Variants in RELN observed in about 807,000 individuals in gnomAD.
RELN encodes reelin.
RELN carries 108 observed loss-of-function variants against 427.6 expected under a neutral mutation model. The ratio of observed to expected loss-of-function variants is 0.25; its 90% CI spans 0.22 to 0.30. RELN has a LOEUF of 0.30. Ranked by LOEUF, RELN falls within the 10% of genes least tolerant of loss-of-function variation. The pLI, the probability that RELN is intolerant of heterozygous loss-of-function variation, is 1.00. For missense variants in RELN, 3,715 were observed against 4,302.8 expected (o/e 0.86, Z 3.82); for synonymous variants, 1,524 against 1,513.4 (o/e 1.01, Z -0.16).
chr7:103,762,547 G>A (rs1791328280), intron 4 of RELN, among the ~76,000 whole-genome samples: 1 of 152,214 alleles, frequency 6.6e-6, no homozygotes, highest in Admixed American at 6.5e-5. Flanking sequence ...ATTCCTGTGA[G>A]TAGAGAGACT....
intron 2 of RELN, among the ~76,000 whole-genome samples, chr7:103,882,833 T>G (rs1794638952): frequency 6.6e-6 from 1 of 152,174 alleles, no homozygotes; most frequent in African/African-American, 2.4e-5. Flanking sequence ...AGCAGACGGA[T>G]TCACAGCCGA....
intron 2 of RELN, among the ~76,000 whole-genome samples, chr7:103,872,434 G>C (rs7805065): frequency 8.0e-6 from 1 of 124,394 alleles, no homozygotes; most frequent in Non-Finnish European, 1.8e-5. Flanking sequence ...TGGTGTATAT[G>C]TGCCACATTT....
At chr7:103,839,593 A>G (rs569187635) in intron 2 of RELN, among the ~76,000 whole-genome samples, 1 of 152,280 alleles carries the variant, frequency 6.6e-6, no homozygotes, top group South Asian at 2.1e-4. Context: ...TCTTAAATAA[A>G]GCAGCTAGAA....
chr7:103,484,185 A>G (rs1828344440), intron 61 of RELN: 1 of 308,574 alleles, frequency 3.2e-6, no homozygotes, highest in South Asian at 3.7e-5. Flanking sequence ...CGGCTGGGAA[A>G]TCATCTTTAT....
At chr7:103,630,299 C>T (rs1442606371) in intron 19 of RELN, 123 bp from the exon 20 acceptor site, 3 of 715,506 alleles carry the variant, frequency 4.2e-6, no homozygotes, top group Non-Finnish European at 4.7e-6. Context: ...TGATTATAAA[C>T]ATTTTTTTTT....
chr7:103,936,091 T>G (rs1323630382), intron 1 of RELN, among the ~76,000 whole-genome samples: 2 of 139,370 alleles, frequency 1.4e-5, no homozygotes, highest in Admixed American at 7.7e-5. Context: ...CATGAATTGC[T>G]TCAATGGCTT....
chr7:103,944,258 T>C (rs977225024), intron 1 of RELN, among the ~76,000 whole-genome samples: 4 of 152,166 alleles, frequency 2.6e-5, no homozygotes, highest in Non-Finnish European at 4.4e-5. Flanking sequence ...TTTTTCTACA[T>C]AGAAATACTA....
In RELN at chr7:103,952,902, G is replaced by A. The variant is rs146392152; in HGVS notation, c.227-35717C>T. Among the ~76,000 whole-genome samples the A allele has an allele frequency of 4.5e-3, 678 of 152,126 alleles. 5 individuals carry two copies. The highest frequency in any genetic ancestry group is 0.027 in the Middle Eastern group (8 of 294). On this transcript the variant is annotated intron_variant, in intron 1 of 64. Coordinates refer to ENST00000428762, the MANE Select transcript of RELN (RefSeq NM_005045.4). ...GTTTTTAATTCCATCTTTACTAACC[G>A]GGAAAACGGTATTTTAACATGGAAA...
chr7:103,806,189 C>A (rs747938681), intron 3 of RELN, among the ~76,000 whole-genome samples: 1 of 152,140 alleles, frequency 6.6e-6, no homozygotes, highest in Non-Finnish European at 1.5e-5. Context: ...ATTTCACTAA[C>A]GTCTGAGCTA....
intron 10 of RELN, among the ~76,000 whole-genome samples, chr7:103,691,220 A>G (rs1833864431): frequency 2.0e-5 from 3 of 152,072 alleles, no homozygotes; most frequent in Non-Finnish European, 4.4e-5. Flanking sequence ...GAAGCTAATT[A>G]CTCTATTTGA....
chr7:103,872,030 A>ATTTTTTTTTTTT (rs1554434458), intron 2 of RELN, among the ~76,000 whole-genome samples: 1 of 138,442 alleles, frequency 7.2e-6, no homozygotes, highest in Non-Finnish European at 1.6e-5. Flanking sequence ...ATATATATAT[A>ATTTTTTTTTTTT]TTTTTCTTTT....
chr7:103,958,601 G>A (rs1796483915), intron 1 of RELN, among the ~76,000 whole-genome samples: 1 of 152,174 alleles, frequency 6.6e-6, no homozygotes, highest in Non-Finnish European at 1.5e-5. Context: ...GTGTGTAGGA[G>A]TGTATGGGTG....
rs57282777 is a variant in RELN, at chr7:103,920,593, T to TTTTTTTGA, written c.227-3409_227-3408insTCAAAAAA. ...TTTTTTTTTTTGTTTTTTTTTTTTT[T>TTTTTTTGA]GAGAGAGTCTCGCTCTCTTACCCAG... On this transcript the variant is annotated intron_variant, in intron 1 of 64. Coordinates refer to ENST00000428762, the MANE Select transcript of RELN (RefSeq NM_005045.4). Among the ~76,000 whole-genome samples, 278 of 129,338 alleles carry TTTTTTTGA rather than the reference T, an allele frequency of 2.1e-3. 9 individuals are homozygous for TTTTTTTGA. The highest frequency in any genetic ancestry group is 0.014 in the East Asian group (59 of 4,284). The allele number at this position is 129,338 out of a possible 152,430, so 84.9% of individuals were successfully genotyped here.
chr7:103,618,686 TCATTCC>T (rs569694975), intron 20 of RELN, among the ~76,000 whole-genome samples: 79 of 152,370 alleles, frequency 5.2e-4, no homozygotes, highest in Non-Finnish European at 7.3e-5. Flanking sequence ...TTCAGCTTTT[TCATTCC>T]CATTCCCATT....
intron 19 of RELN, among the ~76,000 whole-genome samples, chr7:103,634,564 T>G (rs1832537314): frequency 6.6e-6 from 1 of 152,052 alleles, no homozygotes; most frequent in South Asian, 2.1e-4. Flanking sequence ...TATGATGAAA[T>G]CTATATACTA....
At chr7:103,774,623 A>T (rs1279304915) in intron 4 of RELN, among the ~76,000 whole-genome samples, 2 of 152,230 alleles carry the variant, frequency 1.3e-5, no homozygotes, top group Admixed American at 6.5e-5. Flanking sequence ...ATAAAAAATG[A>T]TTACATGATA....
intron 1 of RELN, among the ~76,000 whole-genome samples, chr7:103,949,199 G>C (rs1796284189): frequency 6.6e-6 from 1 of 151,806 alleles, no homozygotes; most frequent in African/African-American, 2.4e-5. Flanking sequence ...ATCTAGAATG[G>C]AGAGTATTAT....
At chr7:103,750,281 A>G (rs1020999803) in intron 5 of RELN, among the ~76,000 whole-genome samples, 1 of 152,010 alleles carries the variant, frequency 6.6e-6, no homozygotes, top group African/African-American at 2.4e-5. Context: ...CCCAGCTGAG[A>G]TTTGATGGTT....
chr7:103,523,584 T>C (rs1478634276), intron 46 of RELN, 53 bp from the exon 47 acceptor site: 1 of 1,594,334 alleles, frequency 6.3e-7, no homozygotes, highest in Non-Finnish European at 8.6e-7. Flanking sequence ...AGAAAATGTG[T>C]TCCAGTATGT....
Sources: gnomAD v4.1 joint callset for allele counts (sites outside exome capture counted in the v4.1 genomes callset) on GRCh38, gnomAD v4.1.1 for gene constraint, MANE v1.5 for transcripts, NCBI Gene and HGNC (gene_info 2026-07-23, HGNC 2026-07-21) for gene names.